Variants in TMEM63C observed in about 807,000 individuals in gnomAD.
TMEM63C encodes osmosensitive cation channel TMEM63C.
In TMEM63C, 32 loss-of-function variants were observed where a neutral mutation model predicts 99.2. That is an observed-to-expected ratio of 0.32 (90% CI 0.24 to 0.43). The LOEUF (loss-of-function observed/expected upper bound fraction) is 0.43, where lower values mean the gene tolerates loss of function less well. Ranked by LOEUF, TMEM63C falls within the 20% of genes least tolerant of loss-of-function variation. The pLI, the probability that TMEM63C is intolerant of heterozygous loss-of-function variation, is 1.00. For synonymous variants in TMEM63C, 376 were observed against 397.9 expected (o/e 0.94, Z 0.66); for missense variants, 826 against 1,053.0 (o/e 0.78, Z 2.98).
At chr14:77,233,653 C>T (rs398269) in intron 8 of TMEM63C, among the ~76,000 whole-genome samples, 153 bp downstream of exon 8, 9,752 of 151,954 alleles carry the variant, frequency 0.064, 400 homozygotes, top group Admixed American at 0.1. Context: ...ATGCCAGAAG[C>T]TGCATCCTCT....
chr14:77,242,323 C>G, intron 13 of TMEM63C, 24 bp from the exon 14 acceptor site: 1 of 1,467,078 alleles, frequency 6.8e-7, no homozygotes, highest in Non-Finnish European at 9.4e-7. Context: ...ACCCACATTT[C>G]TTCCTCTTCT....
intron 1 of TMEM63C, among the ~76,000 whole-genome samples, chr14:77,199,420 CTGT>C (rs966990074): frequency 1.3e-5 from 2 of 152,186 alleles, no homozygotes; most frequent in African/African-American, 4.8e-5. Context: ...CCCAACTTGC[CTGT>C]TATCTCACCA....
intron 21 of TMEM63C, among the ~76,000 whole-genome samples, chr14:77,250,811 A>G (rs752897079): frequency 1.1e-4 from 16 of 152,154 alleles, no homozygotes; most frequent in Non-Finnish European, 2.2e-4. Flanking sequence ...CTGCCACCCC[A>G]GAGACTTCAT....
chr14:77,239,203 C>G (rs1173783700), intron 10 of TMEM63C, among the ~76,000 whole-genome samples: 1 of 152,236 alleles, frequency 6.6e-6, no homozygotes, highest in Non-Finnish European at 1.5e-5. Context: ...TTGCCCTGTT[C>G]TGAGTTGTGT....
At chr14:77,228,119 A>G (rs1594861135) in intron 6 of TMEM63C, among the ~76,000 whole-genome samples, 1 of 152,142 alleles carries the variant, frequency 6.6e-6, no homozygotes, top group Non-Finnish European at 1.5e-5. Flanking sequence ...AAGGGAAGCA[A>G]TGAGAGCAGA....
intron 1 of TMEM63C, among the ~76,000 whole-genome samples, chr14:77,198,122 C>T (rs1230357228): frequency 1.3e-5 from 2 of 152,212 alleles, no homozygotes; most frequent in East Asian, 1.9e-4. Context: ...AGGCAGTGAC[C>T]GCAGTTATAA....
At chr14:77,241,231 G>A (rs1238406653) in intron 13 of TMEM63C, among the ~76,000 whole-genome samples, 4 of 152,140 alleles carry the variant, frequency 2.6e-5, no homozygotes, top group African/African-American at 9.7e-5. Flanking sequence ...GATTACAGGT[G>A]TGAGCCACTG....
intron 1 of TMEM63C, among the ~76,000 whole-genome samples, chr14:77,195,375 C>G (rs141912198): frequency 6.6e-6 from 1 of 152,098 alleles, no homozygotes; most frequent in South Asian, 2.1e-4. Context: ...GGAAAGGGAC[C>G]GATGATCCCT....
chr14:77,219,292 G>A (rs999785432), intron 3 of TMEM63C, among the ~76,000 whole-genome samples: 1 of 152,192 alleles, frequency 6.6e-6, no homozygotes, highest in African/African-American at 2.4e-5. Flanking sequence ...TGAACTCTGA[G>A]CATCCACTCT....
chr14:77,244,168 A>G (rs1181794290), intron 15 of TMEM63C, among the ~76,000 whole-genome samples, 181 bp from the exon 16 acceptor site: 1 of 151,814 alleles, frequency 6.6e-6, no homozygotes, highest in East Asian at 1.9e-4. Context: ...CTGCTTGGGG[A>G]CTCCACTTGA....
At chr14:77,256,499 C>T (rs1889462903) in intron 23 of TMEM63C, 27 bp from the exon 24 acceptor site, 3 of 1,613,020 alleles carry the variant, frequency 1.9e-6, no homozygotes, top group Non-Finnish European at 2.5e-6. Flanking sequence ...TGACCTTGCT[C>T]CTGTCCCCTG....
chr14:77,194,437 T>C (rs1038513894), intron 1 of TMEM63C, among the ~76,000 whole-genome samples: 3 of 151,950 alleles, frequency 2.0e-5, no homozygotes, highest in Non-Finnish European at 2.9e-5. Context: ...ATGATACTTA[T>C]GTTGGAGAGT....
In TMEM63C at chr14:77,246,065, C is replaced by T. The variant is rs748974753; in HGVS notation, c.1535+39C>T. On this transcript the variant is annotated intron_variant, in intron 17 of 23. Coordinates refer to ENST00000298351, the MANE Select transcript of TMEM63C (RefSeq NM_020431.4). Reference sequence around the variant, plus strand: ...AATTATCCCTTCCTTCTTAGCCAGGCTCTCTTAGAGTTAAGACCTCCTCTT... The same window carrying T: ...AATTATCCCTTCCTTCTTAGCCAGGTTCTCTTAGAGTTAAGACCTCCTCTT... 6 of 1,513,978 alleles carry T rather than the reference C, an allele frequency of 4.0e-6. No homozygotes were observed. The Admixed American group carries it at 8.3e-5, about 21-fold the overall frequency. The allele number at this position is 1,513,978 out of a possible 1,614,324, so 93.8% of individuals were successfully genotyped here.
intron 12 of TMEM63C, among the ~76,000 whole-genome samples, chr14:77,240,241 C>G (rs1014202499): frequency 6.6e-6 from 1 of 152,224 alleles, no homozygotes; most frequent in Non-Finnish European, 1.5e-5. Context: ...TGAAAGCCCC[C>G]GGGTACCCCT....
intron 1 of TMEM63C, among the ~76,000 whole-genome samples, chr14:77,183,440 G>A (rs970611302): frequency 3.3e-5 from 5 of 152,272 alleles, no homozygotes; most frequent in Non-Finnish European, 7.4e-5. Flanking sequence ...GGGAAGTGAA[G>A]TCTCTTGGTT....
At chr14:77,186,914 A>T (rs570496873) in intron 1 of TMEM63C, among the ~76,000 whole-genome samples, 71 of 152,114 alleles carry the variant, frequency 4.7e-4, no homozygotes, top group African/African-American at 1.6e-3. Flanking sequence ...CTGGCGCCTC[A>T]TGTGCCCAGG....
chr14:77,184,485 A>G (rs955245210), intron 1 of TMEM63C, among the ~76,000 whole-genome samples: 1 of 152,180 alleles, frequency 6.6e-6, no homozygotes, highest in Non-Finnish European at 1.5e-5. Context: ...CGGGTGGAAG[A>G]ACCATAAAGA....
At chr14:77,218,131 C>T (rs545078848) in intron 2 of TMEM63C, among the ~76,000 whole-genome samples, 2 of 151,688 alleles carry the variant, frequency 1.3e-5, no homozygotes, top group African/African-American at 4.8e-5. Flanking sequence ...AGGATGGATA[C>T]CTCATTTATC....
intron 1 of TMEM63C, among the ~76,000 whole-genome samples, chr14:77,210,717 C>T (rs1014304987): frequency 1.3e-5 from 2 of 152,124 alleles, no homozygotes; most frequent in East Asian, 1.9e-4. Flanking sequence ...GGAGTGGATG[C>T]CCATGACCAG....
Sources: gnomAD v4.1 joint callset for allele counts (sites outside exome capture counted in the v4.1 genomes callset) on GRCh38, gnomAD v4.1.1 for gene constraint, MANE v1.5 for transcripts, NCBI Gene and HGNC (gene_info 2026-07-23, HGNC 2026-07-21) for gene names.